The following PRKN variants were observed in gnomAD, a reference collection of about 807,000 sequenced individuals.
PRKN encodes parkin RBR E3 ubiquitin protein ligase.
PRKN carries 56 observed loss-of-function variants against 59.5 expected under a neutral mutation model. The observed-to-expected ratio is 0.94, with a 90% confidence interval of 0.76 to 1.18. The LOEUF (loss-of-function observed/expected upper bound fraction) is 1.18, where lower values mean the gene tolerates loss of function less well. Among genes scored for constraint, PRKN ranks in the 50% most tolerant of loss-of-function variants. The probability of loss-of-function intolerance (pLI) is 0.00; values close to 1 mark genes in which losing one functional copy is unlikely to be tolerated. For synonymous variants in PRKN, 250 were observed against 222.1 expected, an observed-to-expected ratio of 1.13 and a Z score of -1.12; for missense variants, 657 against 596.4, an observed-to-expected ratio of 1.10 and a Z score of -1.06.
Position 162,567,934 on chromosome 6 carries a change from C to T in PRKN, c.8-124461G>A, listed in dbSNP as rs1241971079. ...AAAACAGACACACAGAGCAATGAAA[C>T]AGAACAGAGAGCCAAGAAACAAATC... On this transcript the variant is annotated intron_variant, in intron 1 of 11. Coordinates refer to ENST00000366898, the MANE Select transcript of PRKN (RefSeq NM_004562.3). 2.0e-5 allele frequency among the ~76,000 whole-genome samples: 3 copies of T among 152,222 alleles called. No individual in the cohort carries two copies. The East Asian group carries it at 5.8e-4, about 29-fold the overall frequency.
At chr6:162,654,913 C>T (rs912007052) in intron 1 of PRKN, among the ~76,000 whole-genome samples, 5 of 151,980 alleles carry the variant, frequency 3.3e-5, no homozygotes, top group African/African-American at 7.2e-5. Flanking sequence ...AGATTTGGTT[C>T]GGGACACAGC....
chr6:162,536,284 A>C (rs1049954241), intron 1 of PRKN, among the ~76,000 whole-genome samples: 5 of 152,266 alleles, frequency 3.3e-5, no homozygotes, highest in African/African-American at 9.6e-5. Flanking sequence ...TGGATGCATA[A>C]AAATGACAAG....
intron 9 of PRKN, among the ~76,000 whole-genome samples, chr6:161,421,753 A>G (rs1788119586): frequency 6.6e-6 from 1 of 152,212 alleles, no homozygotes; most frequent in African/African-American, 2.4e-5. Flanking sequence ...GGGTCTACAC[A>G]GAAGAAATCA....
In PRKN at chr6:161,551,975, A is replaced by G. The variant is rs1780035739; in HGVS notation, c.934-2972T>C. On this transcript the variant is annotated intron_variant, in intron 8 of 11. Coordinates refer to ENST00000366898, the MANE Select transcript of PRKN (RefSeq NM_004562.3). This position sits in a 1 kb window ranked among gnomAD's most constrained non-coding sequence, Gnocchi z 5.2. ...GAAGAGGAGGCCCGGCTGAGTGCTT[A>G]GGCCCAGGTGCAGACAGGCAGAGGG... Among the ~76,000 whole-genome samples, 1 of 152,100 alleles carries G rather than the reference A, an allele frequency of 6.6e-6. No homozygotes were observed.
At chr6:162,562,821 G>A (rs1779897272) in intron 1 of PRKN, among the ~76,000 whole-genome samples, 1 of 152,162 alleles carries the variant, frequency 6.6e-6, no homozygotes, top group African/African-American at 2.4e-5. Context: ...TAAAACCCCA[G>A]GGCCTTGAGT....
chr6:162,443,361 C>G lies in PRKN; in HGVS notation c.120G>C (p.Gln40His). The G allele has an allele frequency of 6.2e-7, 1 of 1,613,524 alleles. No homozygotes were observed. Among genetic ancestry groups the G allele is most frequent in the Non-Finnish European group, 8.5e-7 (1 of 1,180,028 alleles). The change falls in exon 2 of 12, where the codon CAG becomes CAC. Residue 40 changes from glutamine to histidine, a missense_variant. Gln to His is a conservative substitution (Grantham distance 24). Transcript: ENST00000366898. ...CCTTCCCTGCGAAAATCACACGCAA[C>G]TGGTCAGCCGGAACCCCCTGTCGCT... The part of the protein sequence containing the change: ...VAKRQGVPAD[Q>H]LRVIFAGKEL...
chr6:161,974,947 T>C (rs969458743), intron 5 of PRKN, among the ~76,000 whole-genome samples: 2 of 152,172 alleles, frequency 1.3e-5, no homozygotes, highest in African/African-American at 4.8e-5. Context: ...TGTGGCTGTG[T>C]CCTAACAAAA....
rs141521286 is a variant in PRKN at position 162,195,428 on chromosome 6, A to C, written c.534+5703T>G. 3.6e-3 allele frequency among the ~76,000 whole-genome samples: 554 copies of C among 152,336 alleles called. 5 individuals are homozygous for C. The highest frequency in any genetic ancestry group is 0.012 in the African/African-American group (514 of 41,574). On this transcript the variant is annotated intron_variant, in intron 4 of 11. Transcript: ENST00000366898. Reference sequence around the variant, plus strand: ...AGAGAGGTAAGAAGACTCCTGGCCAACAATTAATCTGTAACAAATATTAAG... The same window carrying C: ...AGAGAGGTAAGAAGACTCCTGGCCACCAATTAATCTGTAACAAATATTAAG...
At chr6:162,388,412 T>C (rs1583484490) in intron 2 of PRKN, among the ~76,000 whole-genome samples, 1 of 152,186 alleles carries the variant, frequency 6.6e-6, no homozygotes, top group East Asian at 1.9e-4. Flanking sequence ...TATGTTTCTA[T>C]CCTGATGAAA....
chr6:161,818,430 G>A (rs1262077727), intron 6 of PRKN, among the ~76,000 whole-genome samples: 1 of 151,630 alleles, frequency 6.6e-6, no homozygotes, highest in Non-Finnish European at 1.5e-5. Flanking sequence ...AACCTCCCAT[G>A]CCCAAGTATC....
At chr6:161,490,438 G>A (rs1205610238) in intron 9 of PRKN, among the ~76,000 whole-genome samples, 3 of 145,220 alleles carry the variant, frequency 2.1e-5, no homozygotes, top group Non-Finnish European at 4.5e-5. Flanking sequence ...AGGCTGGAGT[G>A]CAGTGGCATG....
chr6:162,556,401 G>GTGTC lies in PRKN; in HGVS notation c.8-112932_8-112929dup, dbSNP rs1554243504. ...TGTGTGTGTGTGTGTGTGTGTGTGT[G>GTGTC]TGTCAGTTTGGCAGACGCCTTCTTT... On this transcript the variant is annotated intron_variant, in intron 1 of 11. Coordinates refer to ENST00000366898, the MANE Select transcript of PRKN (RefSeq NM_004562.3). 8.4e-3 allele frequency among the ~76,000 whole-genome samples: 1,099 copies of GTGTC among 131,198 alleles called. 19 individuals are homozygous for GTGTC. Among genetic ancestry groups the GTGTC allele is most frequent in the South Asian group, 0.019 (71 of 3,728 alleles). 86.1% of individuals were successfully genotyped at this position (131,198 alleles called of 152,430 possible).
At chr6:162,459,864 T>C (rs184071264) in intron 1 of PRKN, among the ~76,000 whole-genome samples, 17 of 152,312 alleles carry the variant, frequency 1.1e-4, no homozygotes, top group African/African-American at 4.1e-4. Flanking sequence ...TAAAATCTTC[T>C]CTTAAAATCT....
rs1280162286 is a variant in PRKN, at chr6:161,471,796, G to C, written c.1083+77058C>G. 6.6e-6 allele frequency among the ~76,000 whole-genome samples: 1 copy of C among 152,094 alleles called. No homozygotes were observed. Among genetic ancestry groups the C allele is most frequent in the African/African-American group, 2.4e-5 (1 of 41,420 alleles). On this transcript the variant is annotated intron_variant, in intron 9 of 11. Transcript: ENST00000366898. This position sits in a 1 kb window ranked among gnomAD's most constrained non-coding sequence, Gnocchi z 4.5. The stretch of plus-strand genomic sequence containing the variant: ...AGCTTAACAGAACATGTGTCATAAA[G>C]ATAATTAACATACAATAAATGCATC...
At chr6:162,272,999 GAAAAAAAAAAA>G (rs548215878) in intron 2 of PRKN, among the ~76,000 whole-genome samples, 1 of 55,024 alleles carries the variant, frequency 1.8e-5, no homozygotes. Flanking sequence ...GCCTGTGTCT[GAAAAAAAAAAA>G]AAAAAAAAAG....
chr6:162,060,436 C>T (rs1448411735), intron 4 of PRKN, among the ~76,000 whole-genome samples: 1 of 152,146 alleles, frequency 6.6e-6, no homozygotes. Context: ...TACCTAAACA[C>T]GTCTATATGA....
chr6:161,791,118 G>A (rs1242911059), intron 6 of PRKN, among the ~76,000 whole-genome samples: 1 of 152,114 alleles, frequency 6.6e-6, no homozygotes, highest in African/African-American at 2.4e-5. Context: ...CAATGGGCCA[G>A]GTTAAAGAGC....
rs150007842 is a variant in PRKN, at chr6:162,498,368, C to CAGA, written c.8-54898_8-54896dup. On this transcript the variant is annotated intron_variant, in intron 1 of 11. Transcript: ENST00000366898. ...TAGTCTACGTAACTATCTCTTCCAG[C>CAGA]AGAATCATTTTTTTTCTTTCTTTCC... Among the ~76,000 whole-genome samples, 148 of 111,324 alleles carry CAGA rather than the reference C, an allele frequency of 1.3e-3. 5 individuals carry two copies. In the East Asian group the frequency reaches 0.036, roughly 27 times the overall value. 73.0% of individuals were successfully genotyped at this position (111,324 alleles called of 152,430 possible).
chr6:161,556,389 G>C (rs1044146796), intron 8 of PRKN, among the ~76,000 whole-genome samples: 2 of 152,038 alleles, frequency 1.3e-5, no homozygotes, highest in African/African-American at 4.8e-5. Flanking sequence ...ACACTGACCT[G>C]GAACAAAGAA....
Sources: gnomAD v4.1 joint callset for allele counts (sites outside exome capture counted in the v4.1 genomes callset) on GRCh38, gnomAD v4.1.1 for gene constraint, Gnocchi (gnomAD v3.1) non-coding constraint, MANE v1.5 for transcripts, NCBI Gene and HGNC (gene_info 2026-07-23, HGNC 2026-07-21) for gene names.